The following FOCAD variants were observed in gnomAD, a reference collection of about 807,000 sequenced individuals.
The protein encoded by FOCAD is KIAA1797.
Under a neutral mutation model 225.6 loss-of-function variants are expected in FOCAD, and 198 were observed. The observed-to-expected ratio is 0.88, with a 90% CI of 0.78 to 0.99. FOCAD has a LOEUF of 0.99. FOCAD is among the 50% of genes least tolerant of loss of function. FOCAD has a pLI of 0.00. For missense variants in FOCAD, 2,713 were observed against 2,123.6 expected (o/e 1.28, Z -5.46); for synonymous variants, 897 against 755.0 (o/e 1.19, Z -3.08).
chr9:20,882,144 A>G, intron 20 of FOCAD, 88 bp downstream of exon 20: 1 of 1,160,690 alleles, frequency 8.6e-7, no homozygotes, highest in East Asian at 2.4e-5. Flanking sequence ...GGGCCATGGC[A>G]GGGTGTTGCT....
chr9:20,983,554 G>C (rs940996915), intron 39 of FOCAD, among the ~76,000 whole-genome samples: 1 of 130,274 alleles, frequency 7.7e-6, no homozygotes, highest in Non-Finnish European at 1.6e-5. Flanking sequence ...CCTGGTGACA[G>C]AACGAGACTC....
At position 20,916,676 on chromosome 9, in the gene FOCAD, C is replaced by T. The variant is rs191187973; in HGVS notation, c.2808-217C>T. On this transcript the variant is annotated intron_variant, in intron 23 of 43. Coordinates refer to ENST00000338382, the MANE Select transcript of FOCAD (RefSeq NM_001375567.1). ...CCCCCCTCAGTTACATATTCACCTC[C>T]TCCTTGCCTCCACTCAGTGACCTTA... 6.6e-3 allele frequency among the ~76,000 whole-genome samples: 1,005 copies of T among 152,308 alleles called. 5 individuals are homozygous for T. The highest frequency in any genetic ancestry group is 9.5e-3 in the Non-Finnish European group (643 of 68,022).
intron 34 of FOCAD, 105 bp downstream of exon 34, chr9:20,951,203 G>T: frequency 2.4e-6 from 2 of 824,592 alleles, no homozygotes; most frequent in Middle Eastern, 2.3e-4. Flanking sequence ...CCTAAGTAAT[G>T]GGTATTACCA....
intron 21 of FOCAD, among the ~76,000 whole-genome samples, chr9:20,887,806 G>T (rs1165591963): frequency 6.6e-6 from 1 of 152,162 alleles, no homozygotes; most frequent in Non-Finnish European, 1.5e-5. Context: ...ATGCCCATCT[G>T]CAAGGTATGA....
intron 35 of FOCAD, among the ~76,000 whole-genome samples, chr9:20,960,689 C>G (rs7021127): frequency 0.028 from 4,175 of 151,766 alleles, 68 homozygotes; most frequent in Middle Eastern, 0.038. Flanking sequence ...CACCCATTAA[C>G]TCGTCATTTA....
chr9:20,696,973 A>G lies in FOCAD; in HGVS notation c.-33+12680A>G, dbSNP rs1369588809. On this transcript the variant is annotated intron_variant, in intron 1 of 43. Coordinates refer to ENST00000338382, the MANE Select transcript of FOCAD (RefSeq NM_001375567.1). ...CTCTTTGCACTTCCACCATGTGATG[A>G]TGTGGCACAAAGACCCTCCACGGAT... is the stretch of plus-strand genomic sequence containing the variant. 2.0e-5 allele frequency among the ~76,000 whole-genome samples: 3 copies of G among 152,186 alleles called. No individual in the cohort carries two copies. In the East Asian group the frequency reaches 5.8e-4, roughly 29 times the overall value.
intron 1 of FOCAD, among the ~76,000 whole-genome samples, chr9:20,693,794 T>C (rs1823126683): frequency 1.3e-5 from 2 of 152,220 alleles, no homozygotes; most frequent in African/African-American, 4.8e-5. Context: ...CACTGCAACC[T>C]CTGCCTCCTG....
Position 20,799,962 on chromosome 9 carries a change from G to A in FOCAD, c.1455+10354G>A, listed in dbSNP as rs190058548. On this transcript the variant is annotated intron_variant, in intron 11 of 43. Transcript: ENST00000338382. ...TAGCCTCAATGATCTTTACAATTTG[G>A]CATGTTTTTGCAGTGGCTGGTACCA... Among the ~76,000 whole-genome samples, 813 of 152,154 alleles carry A rather than the reference G, an allele frequency of 5.3e-3. 8 individuals are homozygous for A. The highest frequency in any genetic ancestry group is 0.016 in the African/African-American group (680 of 41,528).
chr9:20,905,708 T>G (rs1038283355), intron 21 of FOCAD, among the ~76,000 whole-genome samples: 1 of 151,958 alleles, frequency 6.6e-6, no homozygotes, highest in African/African-American at 2.4e-5. Context: ...CAAGACCTGA[T>G]TAATGCCTTG....
intron 10 of FOCAD, among the ~76,000 whole-genome samples, chr9:20,785,649 T>C (rs1170294818): frequency 1.3e-5 from 2 of 152,212 alleles, no homozygotes; most frequent in Non-Finnish European, 2.9e-5. Flanking sequence ...CATTTTACTT[T>C]CCTTTTCTTT....
intron 2 of FOCAD, among the ~76,000 whole-genome samples, chr9:20,678,043 A>G (rs879776663): frequency 5.9e-5 from 9 of 152,196 alleles, no homozygotes; most frequent in Admixed American, 4.6e-4. Flanking sequence ...AGCACCTCCA[A>G]TAATTAAAAA....
intron 35 of FOCAD, among the ~76,000 whole-genome samples, chr9:20,962,336 C>T (rs975337827): frequency 5.3e-5 from 8 of 151,914 alleles, no homozygotes; most frequent in Admixed American, 2.6e-4. Flanking sequence ...ATACTTAGAA[C>T]AGATTGGCAT....
intron 15 of FOCAD, among the ~76,000 whole-genome samples, chr9:20,845,458 T>G (rs1826998840): frequency 6.7e-6 from 1 of 148,556 alleles, no homozygotes; most frequent in African/African-American, 2.5e-5. Context: ...TATATATATA[T>G]ATATATATGA....
At chr9:20,818,477 A>C (rs1352994343) in intron 11 of FOCAD, among the ~76,000 whole-genome samples, 2 of 152,016 alleles carry the variant, frequency 1.3e-5, no homozygotes, top group African/African-American at 4.8e-5. Flanking sequence ...TATTTTCTTT[A>C]AGAGTGTTAT....
chr9:20,704,256 C>T (rs1453961304), intron 1 of FOCAD, among the ~76,000 whole-genome samples: 2 of 152,156 alleles, frequency 1.3e-5, no homozygotes, highest in African/African-American at 2.4e-5. Flanking sequence ...TTCGTGTATG[C>T]ACATTGACTT....
intron 10 of FOCAD, among the ~76,000 whole-genome samples, chr9:20,786,091 T>C (rs1407707497): frequency 1.3e-5 from 2 of 152,196 alleles, no homozygotes; most frequent in Non-Finnish European, 1.5e-5. Context: ...AGGGTAGAGT[T>C]GGAATTCAGA....
intron 10 of FOCAD, among the ~76,000 whole-genome samples, chr9:20,784,571 C>CA (rs1201087653): frequency 2.0e-5 from 3 of 152,086 alleles, no homozygotes; most frequent in Non-Finnish European, 4.4e-5. Context: ...TACAGGAGGG[C>CA]AAAATTCATC....
intron 11 of FOCAD, among the ~76,000 whole-genome samples, chr9:20,797,844 C>T (rs1821303090): frequency 6.6e-6 from 1 of 152,144 alleles, no homozygotes. Context: ...TTATTTCCTT[C>T]TTCTGCCTGA....
intron 2 of FOCAD, among the ~76,000 whole-genome samples, chr9:20,669,529 G>A (rs1381656928): frequency 6.6e-6 from 1 of 152,154 alleles, no homozygotes; most frequent in Non-Finnish European, 1.5e-5. Flanking sequence ...AATCCCAGCA[G>A]TTTGGGAGGC....
Sources: gnomAD v4.1 joint callset for allele counts (sites outside exome capture counted in the v4.1 genomes callset) on GRCh38, gnomAD v4.1.1 for gene constraint, MANE v1.5 for transcripts, NCBI Gene and HGNC (gene_info 2026-07-23, HGNC 2026-07-21) for gene names.